The following ANKRD13C variants were observed in gnomAD, a reference collection of about 807,000 sequenced individuals.
The protein encoded by ANKRD13C is ankyrin repeat domain 13C.
In ANKRD13C, 16 loss-of-function variants were observed where a neutral mutation model predicts 65.5. The observed-to-expected ratio is 0.24, with a 90% CI of 0.17 to 0.37. The LOEUF is 0.37. ANKRD13C is among the 10% of genes least tolerant of loss of function. The probability of loss-of-function intolerance (pLI) is 1.00; values close to 1 mark genes in which losing one functional copy is unlikely to be tolerated. For missense variants in ANKRD13C, 503 were observed against 655.9 expected (o/e 0.77, Z 2.55); for synonymous variants, 235 against 238.7 (o/e 0.98, Z 0.14).
At chr1:70,295,001 CT>C (rs1034107248) in intron 8 of ANKRD13C, among the ~76,000 whole-genome samples, 2 of 152,032 alleles carry the variant, frequency 1.3e-5, no homozygotes, top group Non-Finnish European at 2.9e-5. Context: ...CCCCCTTACT[CT>C]TTTTTTCTTC....
Position 70,336,074 on chromosome 1 carries a change from C to A in ANKRD13C, c.456G>T (p.Val152=). 1 of 820,292 alleles carries A rather than the reference C, an allele frequency of 1.2e-6. No individual in the cohort carries two copies. Among genetic ancestry groups the A allele is most frequent in the Non-Finnish European group, 1.7e-6 (1 of 588,850 alleles). The allele number at this position is 820,292 out of a possible 1,614,324, so 50.8% of individuals were successfully genotyped here. The change falls in exon 2 of 13, where the codon GTG becomes GTT. Residue 152 remains valine (V), a synonymous_variant. Transcript: ENST00000370944. ...TTTACTAACCTTTATTTCCTAACAT[C>A]ACAGCAAGGTGTAAAGGAGTATTTC... ...NHGNTPLHLA[V]MLGNKECAHL...
At chr1:70,314,385 A>AT (rs963598060) in intron 4 of ANKRD13C, among the ~76,000 whole-genome samples, 57 of 146,150 alleles carry the variant, frequency 3.9e-4, no homozygotes, top group African/African-American at 6.7e-4. Flanking sequence ...TGCCTGGCTA[A>AT]TTTTTTTTTT....
In ANKRD13C at chr1:70,319,563, C is replaced by T. The variant is rs532756349; in HGVS notation, c.578-3997G>A. Among the ~76,000 whole-genome samples, 4 of 147,300 alleles carry T rather than the reference C, an allele frequency of 2.7e-5. No individual in the cohort carries two copies. In the South Asian group the frequency reaches 6.5e-4, roughly 24 times the overall value. The stretch of plus-strand genomic sequence containing the variant: ...CGGAGGCTGCAGAGAGCCAAGATCG[C>T]GCCATTGCATTCCAGCCTGAGCAAC... On this transcript the variant is annotated intron_variant, in intron 3 of 12. Transcript: ENST00000370944.
In ANKRD13C at chr1:70,276,833, T is replaced by C. The variant is rs2101145611; in HGVS notation, c.1227A>G (p.Arg409=). 6 of 1,594,296 alleles carry C rather than the reference T, an allele frequency of 3.8e-6. No individual in the cohort carries two copies. The highest frequency in any genetic ancestry group is 1.8e-5 in the Admixed American group (1 of 55,660). The part of the protein sequence containing the change: ...IMEQNFEPIR[R]QSLTPPPQNT... ...TCTGAGGAGGAGGTGTAAGAGACTG[T>C]CTTCGAATCGGCTGCCAAAAAAAAA... is the stretch of plus-strand genomic sequence containing the variant. Residue 409 remains arginine (R), a synonymous_variant, in exon 10 of 13, where the codon AGA becomes AGG. Transcript: ENST00000370944.
intron 12 of ANKRD13C, among the ~76,000 whole-genome samples, chr1:70,263,535 CAT>C (rs1356191317): frequency 6.6e-6 from 1 of 152,162 alleles, no homozygotes; most frequent in African/African-American, 2.4e-5. Context: ...TTTTATTCCT[CAT>C]ATGAGTTACT....
intron 9 of ANKRD13C, among the ~76,000 whole-genome samples, chr1:70,291,316 T>C (rs999279275): frequency 6.6e-6 from 1 of 152,196 alleles, no homozygotes; most frequent in African/African-American, 2.4e-5. Context: ...CCACCACGCC[T>C]GGGCCCATCT....
intron 12 of ANKRD13C, among the ~76,000 whole-genome samples, chr1:70,263,964 T>A: frequency 6.6e-6 from 1 of 152,142 alleles, no homozygotes; most frequent in East Asian, 1.9e-4. Flanking sequence ...ATACCTTAAT[T>A]AGATTTAAAC....
At chr1:70,311,612 G>A (rs1236860487) in intron 5 of ANKRD13C, among the ~76,000 whole-genome samples, 1 of 152,120 alleles carries the variant, frequency 6.6e-6, no homozygotes, top group African/African-American at 2.4e-5. Flanking sequence ...AAAAGCATTT[G>A]AAAGTAGTCA....
At chr1:70,277,887 AGGAAATTGGAAATTCCT>A (rs576341042) in intron 9 of ANKRD13C, among the ~76,000 whole-genome samples, 1 of 152,200 alleles carries the variant, frequency 6.6e-6, no homozygotes, top group South Asian at 2.1e-4. Context: ...GGAGCAGAAA[AGGAAATTGGAAATTCCT>A]GGGCCAGGTG....
chr1:70,314,466 C>G lies in ANKRD13C; in HGVS notation c.664-676G>C, dbSNP rs910861969. Among the ~76,000 whole-genome samples the G allele has an allele frequency of 2.0e-5, 3 of 151,638 alleles. No homozygotes were observed. In the East Asian group the frequency reaches 5.8e-4, roughly 29 times the overall value. On this transcript the variant is annotated intron_variant, in intron 4 of 12. Transcript: ENST00000370944. ...TCTCGAACTCCTGACCTCAGGTGATCCACCCGCTTCGGCCTCCCAAAGTGC... is the reference window on the plus strand; with the variant it reads ...TCTCGAACTCCTGACCTCAGGTGATGCACCCGCTTCGGCCTCCCAAAGTGC...
chr1:70,301,634 T>C (rs1452017702), intron 6 of ANKRD13C, among the ~76,000 whole-genome samples: 1 of 152,178 alleles, frequency 6.6e-6, no homozygotes, highest in Admixed American at 6.6e-5. Flanking sequence ...CTGGAAACCT[T>C]ACAGATCATT....
At chr1:70,307,527 T>G (rs1474270919) in intron 5 of ANKRD13C, among the ~76,000 whole-genome samples, 1 of 152,202 alleles carries the variant, frequency 6.6e-6, no homozygotes, top group Non-Finnish European at 1.5e-5. Flanking sequence ...TAATGCAAAA[T>G]GACTTCCAGC....
At chr1:70,317,953 G>GACCAAACATC (rs1279740445) in intron 3 of ANKRD13C, among the ~76,000 whole-genome samples, 1 of 152,044 alleles carries the variant, frequency 6.6e-6, no homozygotes, top group African/African-American at 2.4e-5. Context: ...AGTAAATAAT[G>GACCAAACATC]ACCAAACATC....
At chr1:70,288,779 A>G (rs951555296) in intron 9 of ANKRD13C, among the ~76,000 whole-genome samples, 1 of 152,228 alleles carries the variant, frequency 6.6e-6, no homozygotes, top group Admixed American at 6.5e-5. Context: ...TAAAAGAGGT[A>G]CATGAGGGAT....
At chr1:70,351,841 T>A (rs1435943215) in intron 1 of ANKRD13C, among the ~76,000 whole-genome samples, 1 of 152,014 alleles carries the variant, frequency 6.6e-6, no homozygotes, top group Non-Finnish European at 1.5e-5. Flanking sequence ...TCTATGAGGC[T>A]ATGGGAGAAA....
intron 10 of ANKRD13C, among the ~76,000 whole-genome samples, chr1:70,275,594 T>C (rs1204046526): frequency 6.6e-6 from 1 of 152,092 alleles, no homozygotes; most frequent in African/African-American, 2.4e-5. Flanking sequence ...TGGTTTGGTA[T>C]GGTCTGCTGG....
chr1:70,326,312 C>T, intron 2 of ANKRD13C, among the ~76,000 whole-genome samples: 1 of 143,850 alleles, frequency 7.0e-6, no homozygotes, highest in Non-Finnish European at 1.5e-5. Flanking sequence ...CAAATATTTA[C>T]CAAATGTCCA....
intron 1 of ANKRD13C, among the ~76,000 whole-genome samples, chr1:70,338,269 A>T (rs1331214095): frequency 6.6e-6 from 1 of 152,166 alleles, no homozygotes; most frequent in Non-Finnish European, 1.5e-5. Context: ...TTTCAATTTT[A>T]TCCAAAGGAC....
At chr1:70,323,448 G>T (rs1343384032) in intron 3 of ANKRD13C, among the ~76,000 whole-genome samples, 4 of 151,898 alleles carry the variant, frequency 2.6e-5, no homozygotes, top group African/African-American at 9.7e-5. Context: ...TTTAAGACCA[G>T]CCTGACCAAC....
Sources: allele counts gnomAD v4.1 joint callset (sites outside exome capture counted in the v4.1 genomes callset), GRCh38; gene constraint gnomAD v4.1.1; transcripts MANE v1.5; gene names NCBI Gene and HGNC (gene_info 2026-07-23, HGNC 2026-07-21).